TWIST2: variants seen among roughly 807,000 people sequenced by gnomAD.
TWIST2 encodes the protein twist-related protein 2.
In TWIST2, 1 loss-of-function variant was observed where a neutral mutation model predicts 11.6. The ratio of observed to expected loss-of-function variants is 0.09; its 90% CI spans 0.03 to 0.41. The LOEUF (loss-of-function observed/expected upper bound fraction) is 0.41. Ranked by LOEUF, TWIST2 falls within the 10% of genes least tolerant of loss-of-function variation. TWIST2 has a pLI of 0.98. For missense variants in TWIST2, 168 were observed against 226.4 expected (o/e 0.74, Z 1.66); for synonymous variants, 87 against 96.6 (o/e 0.90, Z 0.58).
At chr2:238,860,623 T>C (rs1692414363) in intron 1 of TWIST2, among the ~76,000 whole-genome samples, 1 of 152,146 alleles carries the variant, frequency 6.6e-6, no homozygotes, top group African/African-American at 2.4e-5. Flanking sequence ...TCACCAAGGG[T>C]TGAGTTGCCA....
chr2:238,851,790 A>G (rs983165071), intron 1 of TWIST2, among the ~76,000 whole-genome samples: 1 of 152,236 alleles, frequency 6.6e-6, no homozygotes, highest in African/African-American at 2.4e-5. Context: ...AAGTAGAATG[A>G]AAGGCTGAGC....
rs1436676450 is a variant in TWIST2 at position 238,868,384 on chromosome 2, G to A, written c.*35+19651G>A. 2.6e-5 allele frequency among the ~76,000 whole-genome samples: 4 copies of A among 152,186 alleles called. 1 individual carries two copies. Among genetic ancestry groups the A allele is most frequent in the Admixed American group, 6.5e-5 (1 of 15,288 alleles). On this transcript the variant is annotated intron_variant, in intron 1 of 1. Coordinates refer to ENST00000612363, the MANE Select transcript of TWIST2 (RefSeq NM_001271893.4). ...CTGTCCAGATGACACAGCTAAGCAG[G>A]GTTTGGAAGAACAAAAAACAAAACC...
intron 1 of TWIST2, among the ~76,000 whole-genome samples, chr2:238,879,917 T>C (rs1284916465): frequency 6.6e-6 from 1 of 152,186 alleles, no homozygotes; most frequent in Non-Finnish European, 1.5e-5. Flanking sequence ...GAGGATCTGC[T>C]AAGACTGCCA....
chr2:238,905,854 T>C (rs986377720), intron 1 of TWIST2, among the ~76,000 whole-genome samples: 68 of 43,968 alleles, frequency 1.5e-3, no homozygotes, highest in African/African-American at 5.1e-3. Context: ...TGTGTGTGTG[T>C]GCGTGTGTGT....
At chr2:238,871,478 TCCCA>T (rs1298716116) in intron 1 of TWIST2, among the ~76,000 whole-genome samples, 1 of 33,740 alleles carries the variant, frequency 3.0e-5, no homozygotes, top group Non-Finnish European at 5.7e-5. Flanking sequence ...ACCACATCCC[TCCCA>T]CACACACCAC....
At chr2:238,881,297 A>G (rs1395860842) in intron 1 of TWIST2, among the ~76,000 whole-genome samples, 2 of 144,512 alleles carry the variant, frequency 1.4e-5, no homozygotes, top group East Asian at 4.2e-4. Context: ...TAATGTTAGT[A>G]TCTATTAGTA....
chr2:238,859,638 G>A (rs1692395556), intron 1 of TWIST2, among the ~76,000 whole-genome samples: 1 of 151,654 alleles, frequency 6.6e-6, no homozygotes, highest in African/African-American at 2.4e-5. Context: ...GTTCAGTTGG[G>A]GGTGGAGGGG....
Position 238,855,720 on chromosome 2 carries a change from C to T in TWIST2, c.*35+6987C>T, listed in dbSNP as rs1033303555. Reference sequence around the variant, plus strand: ...TTATAAAAAAGTAATAGAGGAAGAACGAGAAGCCCACCATCAGGTCCCGTG... The same window carrying T: ...TTATAAAAAAGTAATAGAGGAAGAATGAGAAGCCCACCATCAGGTCCCGTG... On this transcript the variant is annotated intron_variant, in intron 1 of 1. Transcript: ENST00000612363. Among the ~76,000 whole-genome samples the T allele has an allele frequency of 4.6e-5, 7 of 152,098 alleles. No individual in the cohort carries two copies. In the East Asian group the frequency reaches 7.7e-4, roughly 17 times the overall value.
intron 1 of TWIST2, among the ~76,000 whole-genome samples, chr2:238,902,370 GTGTA>G (rs1286455554): frequency 6.6e-6 from 1 of 151,070 alleles, no homozygotes; most frequent in Non-Finnish European, 1.5e-5. Flanking sequence ...GGAGTATGTG[GTGTA>G]TGTATGTGTG....
chr2:238,871,943 G>A (rs552467198), intron 1 of TWIST2, among the ~76,000 whole-genome samples: 14 of 152,308 alleles, frequency 9.2e-5, no homozygotes, highest in African/African-American at 3.4e-4. Flanking sequence ...AGTCTGAGAG[G>A]AGAAAAAGAG....
chr2:238,851,097 A>T (rs1223957519), intron 1 of TWIST2, among the ~76,000 whole-genome samples: 2 of 152,276 alleles, frequency 1.3e-5, no homozygotes, highest in African/African-American at 4.8e-5. Context: ...ATGCATCAGC[A>T]AAGAATCTCT....
chr2:238,849,253 C>G (rs1026770061), intron 1 of TWIST2, among the ~76,000 whole-genome samples: 1 of 152,224 alleles, frequency 6.6e-6, no homozygotes, highest in East Asian at 1.9e-4. Flanking sequence ...ATCTACCCAG[C>G]TGCTCGCGCC....
At chr2:238,880,559 T>C (rs1224371784) in intron 1 of TWIST2, among the ~76,000 whole-genome samples, 5 of 90,988 alleles carry the variant, frequency 5.5e-5, no homozygotes, top group Non-Finnish European at 1.1e-4. Flanking sequence ...TATTTATTAG[T>C]ATTAGTATTA....
At chr2:238,854,178 GC>G (rs1692290777) in intron 1 of TWIST2, among the ~76,000 whole-genome samples, 1 of 152,154 alleles carries the variant, frequency 6.6e-6, no homozygotes, top group African/African-American at 2.4e-5. Context: ...ACTCAGAAGA[GC>G]TTTCGGTTAT....
At chr2:238,908,926 G>T (rs1275888859) in intron 1 of TWIST2, among the ~76,000 whole-genome samples, 3 of 150,822 alleles carry the variant, frequency 2.0e-5, no homozygotes, top group African/African-American at 7.4e-5. Context: ...TGGCAGTGTG[G>T]TGTGTTTGTG....
At position 238,901,272 on chromosome 2, in the gene TWIST2, G is replaced by A. The variant is rs1407032667; in HGVS notation, c.*36-8570G>A. Among the ~76,000 whole-genome samples the A allele has an allele frequency of 1.4e-4, 22 of 152,224 alleles. No homozygotes were observed. In the South Asian group the frequency reaches 3.7e-3, roughly 26 times the overall value. On this transcript the variant is annotated intron_variant, in intron 1 of 1. Transcript: ENST00000612363. ...GATTCCAGGTGTGAGCCACCGTGCC[G>A]GCCTCCTTTGCCTTTTGCTCAGCAT...
chr2:238,900,120 G>A (rs1693251310), intron 1 of TWIST2, among the ~76,000 whole-genome samples: 1 of 152,202 alleles, frequency 6.6e-6, no homozygotes, highest in African/African-American at 2.4e-5. Flanking sequence ...TCTTCGTGGG[G>A]TAGATACAGA....
chr2:238,905,936 T>TGTGTGTACGTGTGC (rs1693343068), intron 1 of TWIST2, among the ~76,000 whole-genome samples: 3 of 112,300 alleles, frequency 2.7e-5, no homozygotes, highest in Non-Finnish European at 5.8e-5. Flanking sequence ...CGTGTGCGCG[T>TGTGTGTACGTGTGC]GTGTGTGCGC....
At position 238,848,607 on chromosome 2, in the gene TWIST2, C is replaced by G. The variant is rs1161397364; in HGVS notation, c.392C>G (p.Thr131Ser). ...LQSDEMDNKMTSCSYVAHERL... is the reference protein window; with the variant it reads ...LQSDEMDNKMSSCSYVAHERL... ...AGCGACGAGATGGACAATAAGATGACCAGCTGCAGCTACGTGGCCCACGAG... is the reference window on the plus strand; with the variant it reads ...AGCGACGAGATGGACAATAAGATGAGCAGCTGCAGCTACGTGGCCCACGAG... Residue 131 changes from threonine (T) to serine (S), a missense_variant, in exon 1 of 2, where the codon ACC (threonine) becomes AGC (serine). Physicochemically the swap from Thr to Ser is moderately conservative, Grantham distance 58. Transcript: ENST00000612363. 1.9e-6 allele frequency: 3 copies of G among 1,556,670 alleles called. No individual in the cohort carries two copies. The highest frequency in any genetic ancestry group is 2.6e-6 in the Non-Finnish European group (3 of 1,157,038).
Sources: gnomAD v4.1 joint callset for allele counts (sites outside exome capture counted in the v4.1 genomes callset) on GRCh38, gnomAD v4.1.1 for gene constraint, MANE v1.5 for transcripts, NCBI Gene and HGNC (gene_info 2026-07-23, HGNC 2026-07-21) for gene names.